Variants in SPIRE2 observed in about 807,000 individuals in gnomAD.
SPIRE2 encodes the protein spire type actin nucleation factor 2.
In SPIRE2, 76 loss-of-function variants were observed where a neutral mutation model predicts 80.7. The ratio of observed to expected loss-of-function variants is 0.94; its 90% CI spans 0.78 to 1.14. The LOEUF (loss-of-function observed/expected upper bound fraction) is 1.14. Among genes scored for constraint, SPIRE2 ranks in the 50% most tolerant of loss-of-function variants. The pLI is 0.00. For missense variants in SPIRE2, 1,196 were observed against 1,015.3 expected, an observed-to-expected ratio of 1.18 and a Z score of -2.42; for synonymous variants, 535 against 432.6, an observed-to-expected ratio of 1.24 and a Z score of -2.94.
chr16:89,829,956 C>G (rs2041363738), intron 1 of SPIRE2, among the ~76,000 whole-genome samples: 1 of 151,308 alleles, frequency 6.6e-6, no homozygotes. Context: ...CTCACAGAGC[C>G]TCTGTGAAAG....
At position 89,871,260 on chromosome 16, in the gene SPIRE2, G is replaced by A. The variant is rs1451936002; in HGVS notation, c.*988G>A. ...CTGGGCGGTCCTGGCACAGGGAGGA[G>A]CAGCTCTGTAAATCTGTGCACATGG... On this transcript the variant is annotated 3_prime_UTR_variant, in exon 15 of 15. Transcript: ENST00000378247. 3.9e-5 allele frequency: 6 copies of A among 152,396 alleles called. No homozygotes were observed. Among genetic ancestry groups the A allele is most frequent in the African/African-American group, 1.4e-4 (6 of 41,464 alleles). 9.4% of individuals were successfully genotyped at this position (152,396 alleles called of 1,614,324 possible). A position where few individuals can be genotyped will look rare whatever the true frequency, so the allele number is the denominator to read the frequency against.
chr16:89,848,436 TG>T (rs2041585137), intron 2 of SPIRE2, among the ~76,000 whole-genome samples: 1 of 152,242 alleles, frequency 6.6e-6, no homozygotes, highest in Non-Finnish European at 1.5e-5. Context: ...CAGGGCCTTC[TG>T]TGGCGTTTCT....
chr16:89,855,527 G>A, intron 5 of SPIRE2, 73 bp from the exon 6 acceptor site: 1 of 1,372,706 alleles, frequency 7.3e-7, no homozygotes, highest in Non-Finnish European at 1.0e-6. Context: ...CTTGGGCTGA[G>A]CAGGCCTCTC....
chr16:89,866,907 C>T (rs998766268), intron 12 of SPIRE2, among the ~76,000 whole-genome samples: 2 of 152,064 alleles, frequency 1.3e-5, no homozygotes, highest in African/African-American at 4.8e-5. Flanking sequence ...CCGCGCCCAG[C>T]CTTGAATTTT....
chr16:89,831,983 C>T (rs2041388979), intron 1 of SPIRE2, among the ~76,000 whole-genome samples: 1 of 152,258 alleles, frequency 6.6e-6, no homozygotes, highest in Non-Finnish European at 1.5e-5. Flanking sequence ...ACCGTGTCCA[C>T]GTCCAGAGCT....
chr16:89,838,788 G>A (rs955925548), intron 1 of SPIRE2, among the ~76,000 whole-genome samples: 4 of 152,192 alleles, frequency 2.6e-5, no homozygotes, highest in Non-Finnish European at 1.5e-5. Context: ...CAGGCAGGTG[G>A]CTCTGTCTCC....
chr16:89,836,910 G>A (rs1219755443), intron 1 of SPIRE2, among the ~76,000 whole-genome samples: 1 of 152,002 alleles, frequency 6.6e-6, no homozygotes, highest in Admixed American at 6.6e-5. Flanking sequence ...CAGGAGAATC[G>A]CTTGAACCTG....
chr16:89,850,547 C>T lies in SPIRE2; in HGVS notation c.532C>T (p.Arg178Trp), dbSNP rs768418397. The T allele has an allele frequency of 2.6e-6, 4 of 1,512,290 alleles. No homozygotes were observed. The highest frequency in any genetic ancestry group is 2.8e-5 in the African/African-American group (2 of 72,248). The allele number at this position is 1,512,290 out of a possible 1,614,324, so 93.7% of individuals were successfully genotyped here. Residue 178 changes from arginine (R) to tryptophan (W), a missense_variant, in exon 3 of 15, where the codon CGG becomes TGG. Coordinates refer to ENST00000378247, the MANE Select transcript of SPIRE2 (RefSeq NM_032451.2). ...FAQAMRLCAA[R>W]LTDPRGAQAH... ...CCAGGCCATGCGGCTGTGCGCGGCG[C>T]GGCTGACCGACCCCCGGGGCGCACA...
At chr16:89,832,427 G>GC (rs2041394938) in intron 1 of SPIRE2, among the ~76,000 whole-genome samples, 1 of 152,190 alleles carries the variant, frequency 6.6e-6, no homozygotes, top group African/African-American at 2.4e-5. Context: ...CTGGAGAAAA[G>GC]CAAGAACTGA....
At chr16:89,859,140 AG>A (rs767811024) in intron 8 of SPIRE2, 24 bp from the exon 9 acceptor site, 1 of 1,523,394 alleles carries the variant, frequency 6.6e-7, no homozygotes, top group East Asian at 2.5e-5. Context: ...TTGTCAGGGC[AG>A]GGCCGCGTCT....
At chr16:89,841,383 C>G (rs2041504044) in intron 1 of SPIRE2, among the ~76,000 whole-genome samples, 1 of 152,108 alleles carries the variant, frequency 6.6e-6, no homozygotes, top group Non-Finnish European at 1.5e-5. Flanking sequence ...CTGCTCTACC[C>G]TGGAGAGAAT....
chr16:89,850,268 G>A, intron 2 of SPIRE2, 36 bp from the exon 3 acceptor site: 1 of 1,579,130 alleles, frequency 6.3e-7, no homozygotes, highest in South Asian at 1.1e-5. Context: ...CCACCCCCCT[G>A]CAGTACCGCC....
At chr16:89,869,053 A>AAAAAAAAAAAAAT in intron 13 of SPIRE2, among the ~76,000 whole-genome samples, 1 of 24,036 alleles carries the variant, frequency 4.2e-5, no homozygotes, top group African/African-American at 1.6e-4. Flanking sequence ...AAAAAAAAAA[A>AAAAAAAAAAAAAT]ATATATATAT....
chr16:89,856,540 G>A (rs2041693583), intron 7 of SPIRE2, among the ~76,000 whole-genome samples: 1 of 151,974 alleles, frequency 6.6e-6, no homozygotes. Context: ...CGCCCCCCGG[G>A]TTCAAGTGAT....
At chr16:89,845,412 T>C in intron 2 of SPIRE2, 47 bp downstream of exon 2, 1 of 1,455,268 alleles carries the variant, frequency 6.9e-7, no homozygotes, top group Non-Finnish European at 9.7e-7. Context: ...TGTTAAAACG[T>C]ACCTGCATCT....
intron 2 of SPIRE2, among the ~76,000 whole-genome samples, chr16:89,847,418 G>A (rs1031058745): frequency 8.5e-5 from 13 of 152,216 alleles, no homozygotes; most frequent in Non-Finnish European, 1.5e-4. Flanking sequence ...GGCTGGCCCT[G>A]CTGTCCCGAG....
chr16:89,828,689 G>T lies in SPIRE2; in HGVS notation c.139G>T (p.Gly47Cys). 1.5e-6 allele frequency: 2 copies of T among 1,298,828 alleles called. 1 individual carries two copies. Among genetic ancestry groups the T allele is most frequent in the Non-Finnish European group, 2.0e-6 (2 of 1,019,418 alleles). 80.5% of individuals were successfully genotyped at this position (1,298,828 alleles called of 1,614,324 possible). The change falls in exon 1 of 15, where the codon GGC (glycine) becomes TGC (cysteine). Residue 47 changes from glycine to cysteine, a missense_variant. Physicochemically the swap from Gly to Cys is radical, Grantham distance 159. Transcript: ENST00000378247. The surrounding 1 kb of genome is among the most constrained non-coding windows in gnomAD (Gnocchi z 5.9). ...EEQAWAVCFQ[G>C]CRGLRGSPGR... Reference sequence around the variant, plus strand: ...GCAGGCGTGGGCCGTGTGCTTCCAGGGCTGCCGCGGGCTGCGGGGCTCGCC... The same window carrying T: ...GCAGGCGTGGGCCGTGTGCTTCCAGTGCTGCCGCGGGCTGCGGGGCTCGCC...
rs1288381924 is a variant in SPIRE2 at position 89,828,973 on chromosome 16, CCTCCCTCCTTCT to C, written c.244+191_244+202del. Among the ~76,000 whole-genome samples the C allele has an allele frequency of 6.6e-6, 1 of 152,232 alleles. No individual in the cohort carries two copies. Among genetic ancestry groups the C allele is most frequent in the Non-Finnish European group, 1.5e-5 (1 of 68,036 alleles). On this transcript the variant is annotated intron_variant, in intron 1 of 14. Transcript: ENST00000378247. The surrounding 1 kb of genome is among the most constrained non-coding windows in gnomAD (Gnocchi z 5.9). ...TCCGTCCCTCTTTCCCTCTCTCTTTCCTCCCTCCTTCTCTCCCTCCTTCCTCTCCCTCCCCGG... is the reference window on the plus strand; with the variant it reads ...TCCGTCCCTCTTTCCCTCTCTCTTTCCTCCCTCCTTCCTCTCCCTCCCCGG...
chr16:89,845,661 G>C (rs1424945065), intron 2 of SPIRE2: 3 of 695,146 alleles, frequency 4.3e-6, no homozygotes, highest in Non-Finnish European at 7.9e-6. Context: ...CGTCTGCAGG[G>C]CCGGCCTCCC....
Sources: gnomAD v4.1 joint callset for allele counts (sites outside exome capture counted in the v4.1 genomes callset) on GRCh38, gnomAD v4.1.1 for gene constraint, Gnocchi (gnomAD v3.1) non-coding constraint, MANE v1.5 for transcripts, NCBI Gene and HGNC (gene_info 2026-07-23, HGNC 2026-07-21) for gene names.